The following MAML2 variants were observed in gnomAD, a reference collection of about 807,000 sequenced individuals.
MAML2 encodes the protein mastermind-like protein 2.
A neutral mutation model predicts 96.1 loss-of-function variants in MAML2; 22 were observed. The ratio of observed to expected loss-of-function variants is 0.23; its 90% confidence interval spans 0.16 to 0.33. The LOEUF is 0.33. Ranked by LOEUF, MAML2 falls within the 10% of genes least tolerant of loss-of-function variation. MAML2 has a pLI of 1.00. For missense variants in MAML2, 1,367 were observed against 1,392.4 expected, an observed-to-expected ratio of 0.98 and a Z score of 0.29; for synonymous variants, 561 against 521.3, an observed-to-expected ratio of 1.08 and a Z score of -1.04.
chr11:96,107,438 C>A (rs1333875662), intron 1 of MAML2, among the ~76,000 whole-genome samples: 4 of 152,088 alleles, frequency 2.6e-5, no homozygotes, highest in South Asian at 2.1e-4. Context: ...CAAAATGTGA[C>A]CAATAATAAA....
At chr11:96,157,567 G>A (rs1373163815) in intron 1 of MAML2, among the ~76,000 whole-genome samples, 1 of 152,192 alleles carries the variant, frequency 6.6e-6, no homozygotes, top group African/African-American at 2.4e-5. Context: ...CATGGAGTAT[G>A]CATGAAAATC....
intron 1 of MAML2, among the ~76,000 whole-genome samples, chr11:96,298,637 T>C (rs1429433146): frequency 1.3e-5 from 2 of 151,818 alleles, no homozygotes; most frequent in Non-Finnish European, 2.9e-5. Flanking sequence ...CTAGGTTGCA[T>C]ATCTATACCT....
At chr11:95,989,131 T>G (rs991736458) in intron 3 of MAML2, among the ~76,000 whole-genome samples, 19 of 152,206 alleles carry the variant, frequency 1.2e-4, no homozygotes, top group Non-Finnish European at 2.9e-5. Context: ...GGTAGGAGAA[T>G]AATAGAGAAT....
At chr11:96,277,280 G>A (rs1863003479) in intron 1 of MAML2, among the ~76,000 whole-genome samples, 2 of 152,006 alleles carry the variant, frequency 1.3e-5, no homozygotes, top group Non-Finnish European at 2.9e-5. Flanking sequence ...TGAGATGCAT[G>A]AGTGTTTGTT....
chr11:96,099,748 C>T (rs1281608357), intron 1 of MAML2, among the ~76,000 whole-genome samples: 2 of 152,068 alleles, frequency 1.3e-5, no homozygotes, highest in Non-Finnish European at 2.9e-5. Context: ...TTAATGGTTC[C>T]ACCAGAATTT....
intron 2 of MAML2, among the ~76,000 whole-genome samples, chr11:96,037,227 G>A (rs1858731996): frequency 2.0e-5 from 3 of 151,980 alleles, no homozygotes; most frequent in Non-Finnish European, 1.5e-5. Context: ...CTCTGGCTTT[G>A]CAGTTTCCCT....
In MAML2 at chr11:96,247,817, C is replaced by A. The variant is rs538659787; in HGVS notation, c.513+93566G>T. On this transcript the variant is annotated intron_variant, in intron 1 of 4. Transcript: ENST00000524717. ...TTCTTACTCCCAGTTGCTGGATGAA[C>A]TTGATTCCTATTTCACTGAGAAAAT... Among the ~76,000 whole-genome samples, 6 of 152,264 alleles carry A rather than the reference C, an allele frequency of 3.9e-5. No individual in the cohort carries two copies. The South Asian group carries it at 1.2e-3, about 32-fold the overall frequency.
intron 1 of MAML2, among the ~76,000 whole-genome samples, chr11:96,287,513 CA>C (rs1863156398): frequency 6.6e-6 from 1 of 151,986 alleles, no homozygotes; most frequent in Non-Finnish European, 1.5e-5. Flanking sequence ...CATTCTAAAG[CA>C]AAAATAAACT....
intron 2 of MAML2, among the ~76,000 whole-genome samples, chr11:96,072,014 AT>A (rs978849126): frequency 6.6e-6 from 1 of 152,038 alleles, no homozygotes; most frequent in Non-Finnish European, 1.5e-5. Flanking sequence ...TGTATATTGT[AT>A]TTTTTTTAAA....
chr11:95,989,674 G>A (rs200648827), intron 3 of MAML2, among the ~76,000 whole-genome samples: 1 of 146,796 alleles, frequency 6.8e-6, no homozygotes, highest in Admixed American at 6.8e-5. Context: ...ACAGGGGGGA[G>A]GACTGGAGTT....
chr11:96,038,552 C>G (rs1460685639), intron 2 of MAML2, among the ~76,000 whole-genome samples: 1 of 152,232 alleles, frequency 6.6e-6, no homozygotes, highest in African/African-American at 2.4e-5. Context: ...TAAGCCCTAT[C>G]TGGAGGAATT....
intron 1 of MAML2, among the ~76,000 whole-genome samples, chr11:96,238,942 G>A (rs993946630): frequency 6.6e-6 from 1 of 152,216 alleles, no homozygotes; most frequent in African/African-American, 2.4e-5. Flanking sequence ...AATAGAAAAT[G>A]AAGAGGTATT....
At chr11:96,267,591 CATT>C (rs1182780447) in intron 1 of MAML2, among the ~76,000 whole-genome samples, 1 of 152,186 alleles carries the variant, frequency 6.6e-6, no homozygotes, top group Non-Finnish European at 1.5e-5. Flanking sequence ...ATTCTAGGTT[CATT>C]ATTAACGGGC....
chr11:96,165,048 C>T (rs1024991392), intron 1 of MAML2, among the ~76,000 whole-genome samples: 1 of 152,208 alleles, frequency 6.6e-6, no homozygotes, highest in Non-Finnish European at 1.5e-5. Context: ...GATCTATCTA[C>T]CATCTGTAGA....
chr11:96,171,524 A>G (rs1486857425), intron 1 of MAML2, among the ~76,000 whole-genome samples: 1 of 152,226 alleles, frequency 6.6e-6, no homozygotes, highest in African/African-American at 2.4e-5. Context: ...CAATAAATAC[A>G]TTTTTAATAT....
intron 1 of MAML2, among the ~76,000 whole-genome samples, chr11:96,255,966 C>T (rs954787861): frequency 4.0e-5 from 6 of 148,620 alleles, no homozygotes; most frequent in East Asian, 4.2e-4. Flanking sequence ...CTCTGCCTCC[C>T]GGGTTCAAGC....
At chr11:96,253,502 C>T (rs1423688165) in intron 1 of MAML2, among the ~76,000 whole-genome samples, 1 of 152,166 alleles carries the variant, frequency 6.6e-6, no homozygotes, top group African/African-American at 2.4e-5. Context: ...ATCTTGTTTA[C>T]GAAGCAGCTA....
At chr11:96,178,922 C>T (rs1337815206) in intron 1 of MAML2, among the ~76,000 whole-genome samples, 1 of 151,970 alleles carries the variant, frequency 6.6e-6, no homozygotes, top group East Asian at 1.9e-4. Context: ...TAATTTTGAC[C>T]CTCTTCTGAA....
chr11:96,090,973 C>A (rs192444533), intron 2 of MAML2, among the ~76,000 whole-genome samples: 1 of 152,356 alleles, frequency 6.6e-6, no homozygotes, highest in African/African-American at 2.4e-5. Context: ...AAATTACACG[C>A]ACAAAGCTAT....
Sources: allele counts gnomAD v4.1 joint callset (sites outside exome capture counted in the v4.1 genomes callset), GRCh38; gene constraint gnomAD v4.1.1; transcripts MANE v1.5; gene names NCBI Gene and HGNC (gene_info 2026-07-23, HGNC 2026-07-21).